KLRG2: variants seen among roughly 807,000 people sequenced by gnomAD.
KLRG2 encodes the protein killer cell lectin like receptor G2, also known as killer cell lectin-like receptor subfamily G member 2.
In KLRG2, 39 loss-of-function variants were observed where a neutral mutation model predicts 35.4. The ratio of observed to expected loss-of-function variants is 1.10; its 90% CI spans 0.85 to 1.44. The LOEUF (loss-of-function observed/expected upper bound fraction) is 1.44. KLRG2 is among the 40% of genes most tolerant of loss of function. The pLI, the probability that KLRG2 is intolerant of heterozygous loss-of-function variation, is 0.00. For synonymous variants in KLRG2, 283 were observed against 265.8 expected, an observed-to-expected ratio of 1.06 and a Z score of -0.63; for missense variants, 632 against 570.9, an observed-to-expected ratio of 1.11 and a Z score of -1.09.
At chr7:139,463,288 G>T (rs1796599165) in intron 3 of KLRG2, among the ~76,000 whole-genome samples, 1 of 152,074 alleles carries the variant, frequency 6.6e-6, no homozygotes, top group Admixed American at 6.5e-5. Flanking sequence ...TTATTACCCA[G>T]TCCGCTCCTG....
At chr7:139,475,077 T>C (rs780027395) in intron 3 of KLRG2, among the ~76,000 whole-genome samples, 4 of 152,190 alleles carry the variant, frequency 2.6e-5, no homozygotes, top group Non-Finnish European at 5.9e-5. Flanking sequence ...CCTAGTCTAT[T>C]AGTATGAGAT....
chr7:139,468,699 A>G (rs1243881002), intron 3 of KLRG2, among the ~76,000 whole-genome samples: 3 of 152,186 alleles, frequency 2.0e-5, no homozygotes, highest in African/African-American at 7.2e-5. Flanking sequence ...TTTGACACAA[A>G]TCAAAATGTC....
At chr7:139,455,430 T>A (rs1003212426) in intron 3 of KLRG2, among the ~76,000 whole-genome samples, 2 of 151,544 alleles carry the variant, frequency 1.3e-5, no homozygotes, top group Non-Finnish European at 2.9e-5. Flanking sequence ...CACGCCATTC[T>A]CCTGCCTCAG....
chr7:139,455,589 G>A (rs1443559254), intron 3 of KLRG2, among the ~76,000 whole-genome samples: 1 of 148,118 alleles, frequency 6.8e-6, no homozygotes, highest in Non-Finnish European at 1.5e-5. Context: ...TCAAAGTGCT[G>A]GGATTACAGG....
chr7:139,470,410 T>C (rs551127363), intron 3 of KLRG2, among the ~76,000 whole-genome samples: 129 of 152,256 alleles, frequency 8.5e-4, no homozygotes, highest in African/African-American at 2.7e-3. Context: ...GTATGAGCCA[T>C]GGTCTGGCCT....
the KLRG2 span, among the ~76,000 whole-genome samples, chr7:139,432,434 A>T: frequency 1.3e-5 from 2 of 152,186 alleles, no homozygotes; most frequent in African/African-American, 4.8e-5. Flanking sequence ...GGAGACATTT[A>T]CAGAGTTTAA....
intron 3 of KLRG2, among the ~76,000 whole-genome samples, chr7:139,458,907 G>A (rs1796522894): frequency 1.3e-5 from 2 of 152,154 alleles, no homozygotes. Context: ...GTTTGTGCGC[G>A]CTGCTTCTGC....
intron 3 of KLRG2, among the ~76,000 whole-genome samples, chr7:139,477,883 G>C (rs925533409): frequency 4.0e-5 from 6 of 151,818 alleles, no homozygotes; most frequent in South Asian, 2.1e-4. Context: ...CTCAGCCTCT[G>C]GAGTAGCTGG....
At chr7:139,464,649 T>A (rs1796619560) in intron 3 of KLRG2, among the ~76,000 whole-genome samples, 1 of 152,246 alleles carries the variant, frequency 6.6e-6, no homozygotes, top group Non-Finnish European at 1.5e-5. Context: ...TTTTTCATTA[T>A]ACACAGCCAA....
At chr7:139,432,245 G>A in the KLRG2 span, among the ~76,000 whole-genome samples, 3 of 152,010 alleles carry the variant, frequency 2.0e-5, no homozygotes, top group Non-Finnish European at 2.9e-5. Context: ...ACTCCCAGCT[G>A]CTTGGGAGGC....
intron 3 of KLRG2, among the ~76,000 whole-genome samples, chr7:139,463,007 C>T (rs1158131857): frequency 2.0e-5 from 3 of 152,180 alleles, no homozygotes; most frequent in Admixed American, 6.5e-5. Context: ...CACCTCCTCT[C>T]CTCACACCCG....
At position 139,462,621 on chromosome 7, in the gene KLRG2, T is replaced by C. The variant is rs112821301; in HGVS notation, c.1006-8407A>G. ...AATGCCTTATTTTCTTCTGCAATGCTGCTTGACCCCAATGCAAACTTGACA... is the reference window on the plus strand; with the variant it reads ...AATGCCTTATTTTCTTCTGCAATGCCGCTTGACCCCAATGCAAACTTGACA... On this transcript the variant is annotated intron_variant, in intron 3 of 4. Coordinates refer to ENST00000340940, the MANE Select transcript of KLRG2 (RefSeq NM_198508.4). Among the ~76,000 whole-genome samples, 550 of 152,302 alleles carry C rather than the reference T, an allele frequency of 3.6e-3. 2 individuals carry two copies. The highest frequency in any genetic ancestry group is 0.012 in the African/African-American group (519 of 41,574).
chr7:139,432,133 A>G, the KLRG2 span, among the ~76,000 whole-genome samples: 42 of 152,166 alleles, frequency 2.8e-4, 1 homozygote, highest in South Asian at 6.4e-3. Context: ...AGGCAGGAGG[A>G]TTGCTTGAGC....
chr7:139,450,777 G>A (rs1363721365), downstream of KLRG2, among the ~76,000 whole-genome samples: 1 of 152,150 alleles, frequency 6.6e-6, no homozygotes, highest in Non-Finnish European at 1.5e-5. Flanking sequence ...GGAACTGGGA[G>A]AGCAGGTAGC....
chr7:139,437,747 C>T, the KLRG2 span, among the ~76,000 whole-genome samples: 10 of 148,708 alleles, frequency 6.7e-5, no homozygotes, highest in African/African-American at 1.0e-4. Context: ...CGTGAGCCAC[C>T]GCACCCGGCC....
chr7:139,439,515 TC>T, the KLRG2 span, among the ~76,000 whole-genome samples: 1 of 152,176 alleles, frequency 6.6e-6, no homozygotes, highest in Non-Finnish European at 1.5e-5. Context: ...GTGTGCATGA[TC>T]TGCTTCGGCT....
chr7:139,461,394 A>G (rs1306203044), intron 3 of KLRG2, among the ~76,000 whole-genome samples: 1 of 152,222 alleles, frequency 6.6e-6, no homozygotes, highest in African/African-American at 2.4e-5. Flanking sequence ...CTTTGCCACA[A>G]GATTCCTTAT....
rs910079872 is a variant in KLRG2 at position 139,482,947 on chromosome 7, C to A, written c.696G>T (p.Ala232=). 14 of 1,482,112 alleles carry A rather than the reference C, an allele frequency of 9.4e-6. No individual in the cohort carries two copies. The highest frequency in any genetic ancestry group is 1.2e-5 in the Non-Finnish European group (14 of 1,127,254). The allele number at this position is 1,482,112 out of a possible 1,614,324, so 91.8% of individuals were successfully genotyped here. The change falls in exon 1 of 5, where the codon GCG becomes GCT. Residue 232 remains alanine, a synonymous_variant. Transcript: ENST00000340940. ...KELGLEKEDA[A]LLPRAGLDGD... is the part of the protein sequence containing the mutation. ...CGTCCAACCCCGCGCGGGGCAACAG[C>A]GCCGCATCCTCCTTCTCCAGCCCCA...
At chr7:139,471,741 C>T (rs1796760356) in intron 3 of KLRG2, among the ~76,000 whole-genome samples, 1 of 152,194 alleles carries the variant, frequency 6.6e-6, no homozygotes, top group Admixed American at 6.5e-5. Flanking sequence ...CTTGGCTCCT[C>T]CAGGGCAAGA....
Sources: allele counts gnomAD v4.1 joint callset (sites outside exome capture counted in the v4.1 genomes callset), GRCh38; gene constraint gnomAD v4.1.1; transcripts MANE v1.5; gene names NCBI Gene and HGNC (gene_info 2026-07-23, HGNC 2026-07-21).